Variants in RNF216 observed in about 807,000 individuals in gnomAD.
RNF216 encodes the protein E3 ubiquitin-protein ligase RNF216.
A neutral mutation model predicts 110.8 loss-of-function variants in RNF216; 72 were observed. The ratio of observed to expected loss-of-function variants is 0.65; its 90% CI spans 0.54 to 0.79. The LOEUF (loss-of-function observed/expected upper bound fraction) is 0.79, where lower values mean the gene tolerates loss of function less well. Ranked by LOEUF, RNF216 falls within the 30% of genes least tolerant of loss-of-function variation. The pLI, the probability that RNF216 is intolerant of heterozygous loss-of-function variation, is 0.00. For missense variants in RNF216, 1,342 were observed against 1,141.2 expected, an observed-to-expected ratio of 1.18 and a Z score of -2.54; for synonymous variants, 495 against 407.5, an observed-to-expected ratio of 1.21 and a Z score of -2.59.
At chr7:5,640,005 C>T (rs1339569605) in intron 15 of RNF216, among the ~76,000 whole-genome samples, 6 of 151,572 alleles carry the variant, frequency 4.0e-5, no homozygotes, top group South Asian at 4.2e-4. Context: ...GTGATCCACC[C>T]GCCTCAGCCT....
chr7:5,707,522 T>C (rs1041533283), intron 13 of RNF216, among the ~76,000 whole-genome samples: 4 of 152,152 alleles, frequency 2.6e-5, no homozygotes, highest in African/African-American at 9.7e-5. Context: ...ACAAGTTTTT[T>C]TGTGGAAATT....
chr7:5,697,611 C>T (rs980165146), intron 13 of RNF216, among the ~76,000 whole-genome samples: 2 of 152,098 alleles, frequency 1.3e-5, no homozygotes, highest in African/African-American at 4.8e-5. Flanking sequence ...GCCTCCTGTG[C>T]AGCTGGGACT....
At chr7:5,682,853 T>G (rs1790748654) in intron 13 of RNF216, among the ~76,000 whole-genome samples, 1 of 152,170 alleles carries the variant, frequency 6.6e-6, no homozygotes, top group African/African-American at 2.4e-5. Context: ...GGATCTATTC[T>G]AAGGAATAAT....
chr7:5,735,729 A>C (rs977458290), intron 5 of RNF216, among the ~76,000 whole-genome samples: 3 of 152,216 alleles, frequency 2.0e-5, no homozygotes, highest in South Asian at 2.1e-4. Context: ...CAACACCACC[A>C]ATCTATGGCC....
In RNF216 at chr7:5,765,964, A is replaced by AAAG. The variant is rs1403956002; in HGVS notation, c.-69-4827_-69-4826insCTT. Among the ~76,000 whole-genome samples the AAAG allele has an allele frequency of 1.1e-3, 168 of 148,700 alleles. 1 individual carries two copies. The highest frequency in any genetic ancestry group is 1.9e-3 in the Non-Finnish European group (125 of 67,190). On this transcript the variant is annotated intron_variant, in intron 1 of 16. Transcript: ENST00000389902. ...TGAGACTCTGTCTCAAAAAAAAAAA[A>AAAG]AAAGAAAGAAAGAAATAGAAACATG...
intron 3 of RNF216, among the ~76,000 whole-genome samples, chr7:5,751,959 G>A (rs541918730): frequency 6.6e-6 from 1 of 152,030 alleles, no homozygotes; most frequent in African/African-American, 2.4e-5. Flanking sequence ...AGGCTGAGGG[G>A]GGCGGATCAC....
At chr7:5,781,222 G>C (rs969490370) in intron 1 of RNF216, among the ~76,000 whole-genome samples, 6 of 152,118 alleles carry the variant, frequency 3.9e-5, no homozygotes, top group African/African-American at 1.2e-4. Context: ...AGGGAAGCGC[G>C]GTCTCCCGGG....
chr7:5,779,295 G>A (rs909246067), intron 1 of RNF216, among the ~76,000 whole-genome samples: 6 of 151,970 alleles, frequency 3.9e-5, no homozygotes, highest in African/African-American at 1.2e-4. Flanking sequence ...TCTTTTATTA[G>A]CTGCTGCTGC....
At position 5,752,992 on chromosome 7, in the gene RNF216, A is replaced by T; in HGVS notation, c.68-13T>A. Reference sequence around the variant, plus strand: ...AGATTGATCCACTCTACAGGAAAGCAGAGAACACTGTTACTGGGAGGTTGG... The same window carrying T: ...AGATTGATCCACTCTACAGGAAAGCTGAGAACACTGTTACTGGGAGGTTGG... On this transcript the variant is annotated splice_polypyrimidine_tract_variant and intron_variant, in intron 2 of 16. Coordinates refer to ENST00000389902, the MANE Select transcript of RNF216 (RefSeq NM_207111.4). The T allele has an allele frequency of 6.2e-7, 1 of 1,603,378 alleles. No individual in the cohort carries two copies. Among genetic ancestry groups the T allele is most frequent in the Non-Finnish European group, 8.5e-7 (1 of 1,176,028 alleles).
rs1484023378 is a variant in RNF216, at chr7:5,696,616, C to G, written c.2061+15145G>C. On this transcript the variant is annotated intron_variant, in intron 13 of 16. Transcript: ENST00000389902. The surrounding 1 kb of genome is among the most constrained non-coding windows in gnomAD (Gnocchi z 5.4). ...CGCTTCGGCCGCTCTTCACCAAAGCCTCTTCCTTGGCTGCTGCCATCCTCG... is the reference window on the plus strand; with the variant it reads ...CGCTTCGGCCGCTCTTCACCAAAGCGTCTTCCTTGGCTGCTGCCATCCTCG... Among the ~76,000 whole-genome samples, 1 of 152,184 alleles carries G rather than the reference C, an allele frequency of 6.6e-6. No homozygotes were observed. Among genetic ancestry groups the G allele is most frequent in the Non-Finnish European group, 1.5e-5 (1 of 68,034 alleles).
At chr7:5,712,145 C>T (rs1009498817) in intron 12 of RNF216, among the ~76,000 whole-genome samples, 9 of 152,172 alleles carry the variant, frequency 5.9e-5, no homozygotes, top group South Asian at 4.1e-4. Context: ...ATTGTATCTA[C>T]GGGCCAGAAG....
chr7:5,642,032 TA>T (rs1201078083), intron 14 of RNF216, among the ~76,000 whole-genome samples: 54 of 98,402 alleles, frequency 5.5e-4, no homozygotes, highest in Non-Finnish European at 7.2e-4. Context: ...GACTCTATCT[TA>T]AAAAAAAAAA....
intron 13 of RNF216, 21 bp downstream of exon 13, chr7:5,711,740 G>T (rs1386480799): frequency 1.9e-6 from 3 of 1,602,304 alleles, no homozygotes; most frequent in Non-Finnish European, 2.6e-6. Context: ...TATACATCTA[G>T]AAAAAAATGT....
intron 1 of RNF216, among the ~76,000 whole-genome samples, chr7:5,763,016 A>C (rs1355598119): frequency 6.6e-6 from 1 of 152,210 alleles, no homozygotes; most frequent in Non-Finnish European, 1.5e-5. Flanking sequence ...ACAGAAACAC[A>C]GAAGTTATTG....
chr7:5,736,809 G>A (rs878952362), intron 5 of RNF216, among the ~76,000 whole-genome samples: 1 of 150,724 alleles, frequency 6.6e-6, no homozygotes, highest in Non-Finnish European at 1.5e-5. Context: ...CTGCCCGGCC[G>A]CCCCGTCTGA....
chr7:5,721,763 T>C (rs1012070744), intron 8 of RNF216, among the ~76,000 whole-genome samples: 2 of 152,222 alleles, frequency 1.3e-5, no homozygotes, highest in African/African-American at 2.4e-5. Flanking sequence ...TTTTCAACCA[T>C]TTTTATTTTC....
At chr7:5,637,848 G>A (rs563857948) in intron 15 of RNF216, among the ~76,000 whole-genome samples, 4 of 152,162 alleles carry the variant, frequency 2.6e-5, no homozygotes, top group East Asian at 1.9e-4. Flanking sequence ...GCCAAATTAC[G>A]CATTTCTTTT....
chr7:5,714,718 G>A (rs901364754), intron 11 of RNF216, among the ~76,000 whole-genome samples: 2 of 152,166 alleles, frequency 1.3e-5, no homozygotes, highest in African/African-American at 4.8e-5. Context: ...TGTAAAGTAA[G>A]TTATGTTATT....
intron 13 of RNF216, among the ~76,000 whole-genome samples, chr7:5,670,627 C>T (rs1041372152): frequency 6.6e-6 from 1 of 152,160 alleles, no homozygotes; most frequent in Non-Finnish European, 1.5e-5. Context: ...AATCTCCACC[C>T]CTACTGCTTC....
Sources: gnomAD v4.1 joint callset for allele counts (sites outside exome capture counted in the v4.1 genomes callset) on GRCh38, gnomAD v4.1.1 for gene constraint, Gnocchi (gnomAD v3.1) non-coding constraint, MANE v1.5 for transcripts, NCBI Gene and HGNC (gene_info 2026-07-23, HGNC 2026-07-21) for gene names.